The following ALDH3B2 variants were observed in gnomAD, a reference collection of about 807,000 sequenced individuals.
ALDH3B2 encodes aldehyde dehydrogenase family 3 member B2.
A neutral mutation model predicts 36.7 loss-of-function variants in ALDH3B2; 45 were observed. The observed-to-expected ratio is 1.23, with a 90% CI of 0.97 to 1.57. The LOEUF is 1.57. ALDH3B2 is among the 40% of genes most tolerant of loss of function. The probability of loss-of-function intolerance (pLI) is 0.00; values close to 1 mark genes in which losing one functional copy is unlikely to be tolerated. For synonymous variants in ALDH3B2, 217 were observed against 226.5 expected (o/e 0.96, Z 0.38); for missense variants, 464 against 513.3 (o/e 0.90, Z 0.93).
At chr11:67,680,680 G>T (rs1856354090) in intron 1 of ALDH3B2, among the ~76,000 whole-genome samples, 1 of 152,146 alleles carries the variant, frequency 6.6e-6, no homozygotes, top group Admixed American at 6.5e-5. Context: ...GCTTCCCAAA[G>T]TTCTAGGATT....
At chr11:67,680,281 TCCAG>T (rs1415024508) in intron 1 of ALDH3B2, among the ~76,000 whole-genome samples, 2 of 152,198 alleles carry the variant, frequency 1.3e-5, no homozygotes, top group Non-Finnish European at 2.9e-5. Flanking sequence ...ACTACCACAC[TCCAG>T]CCTGGGTGAC....
At chr11:67,664,186 A>T in intron 8 of ALDH3B2, 1 of 729,626 alleles carries the variant, frequency 1.4e-6, no homozygotes. Context: ...AGGACAGAGG[A>T]TGGACCCGCT....
chr11:67,663,791 G>C (rs774719083), intron 8 of ALDH3B2, 30 bp from the exon 9 acceptor site: 2 of 1,584,466 alleles, frequency 1.3e-6, no homozygotes, highest in African/African-American at 1.3e-5. Context: ...TGGGTGTTGG[G>C]CTCTAGTCAT....
Position 67,666,707 on chromosome 11 carries a change from G to A in ALDH3B2, c.31-13C>T, listed in dbSNP as rs916978196. The A allele has an allele frequency of 1.2e-6, 2 of 1,614,020 alleles. No individual in the cohort carries two copies. Among genetic ancestry groups the A allele is most frequent in the Admixed American group, 1.7e-5 (1 of 60,008 alleles). On this transcript the variant is annotated splice_polypyrimidine_tract_variant and intron_variant, in intron 3 of 9. Transcript: ENST00000349015. ...CCAGCTTCATGAACTGAGGCACAGG[G>A]TAGACAGTGAGGCCCTGCCAAGGGC...
upstream of ALDH3B2, among the ~76,000 whole-genome samples, chr11:67,675,341 G>A (rs1856244227): frequency 6.6e-6 from 1 of 152,210 alleles, no homozygotes; most frequent in Admixed American, 6.5e-5. Context: ...GCAGATCACA[G>A]CTCCTGGCAC....
At chr11:67,667,745 G>C in intron 1 of ALDH3B2, 110 bp from the exon 2 acceptor site, 1 of 222,340 alleles carries the variant, frequency 4.5e-6, no homozygotes, top group East Asian at 9.6e-5. Flanking sequence ...ACCCATGGGG[G>C]CTCACAGACA....
At chr11:67,677,132 C>T (rs1441812696), upstream of ALDH3B2, among the ~76,000 whole-genome samples, 2 of 152,090 alleles carry the variant, frequency 1.3e-5, no homozygotes, top group African/African-American at 2.4e-5. Context: ...ATACCAAAAC[C>T]GGGAAAGGAC....
intron 1 of ALDH3B2, among the ~76,000 whole-genome samples, chr11:67,674,091 T>C (rs1307375763): frequency 6.6e-6 from 1 of 152,196 alleles, no homozygotes; most frequent in Admixed American, 6.5e-5. Context: ...CCAATCCTTG[T>C]CTGTCCACAG....
chr11:67,663,842 G>A (rs1033538605), intron 8 of ALDH3B2, 81 bp from the exon 9 acceptor site: 1 of 1,255,952 alleles, frequency 8.0e-7, no homozygotes, highest in Non-Finnish European at 1.1e-6. Context: ...CAGCGGAGGT[G>A]AGCCTCATCC....
chr11:67,680,058 G>T (rs1250251713), intron 1 of ALDH3B2, among the ~76,000 whole-genome samples: 7 of 152,182 alleles, frequency 4.6e-5, no homozygotes, highest in Admixed American at 4.6e-4. Flanking sequence ...TCTCATGCCT[G>T]TAATCCCAGC....
chr11:67,678,396 C>T (rs1856308809), upstream of ALDH3B2, among the ~76,000 whole-genome samples: 1 of 152,012 alleles, frequency 6.6e-6, no homozygotes, highest in African/African-American at 2.4e-5. Context: ...ACAAATGGTC[C>T]TGGGATAATT....
chr11:67,669,699 T>C (rs796670435), intron 1 of ALDH3B2, among the ~76,000 whole-genome samples: 260 of 147,800 alleles, frequency 1.8e-3, no homozygotes, highest in Admixed American at 2.9e-3. Context: ...TGTCTGTGTG[T>C]GTATGGGTGT....
chr11:67,673,964 T>C lies in ALDH3B2; in HGVS notation c.-245+473A>G, dbSNP rs146727805. Among the ~76,000 whole-genome samples, 1,118 of 152,310 alleles carry C rather than the reference T, an allele frequency of 7.3e-3. 18 individuals carry two copies. Among genetic ancestry groups the C allele is most frequent in the African/African-American group, 0.026 (1,079 of 41,560 alleles). ...TCTAGAACCAGAAACAAGCAATGCA[T>C]GTTGCTTTTAACATCTGAAACCAAA... On this transcript the variant is annotated intron_variant, in intron 1 of 9. Transcript: ENST00000349015.
chr11:67,675,968 G>T (rs764360205), upstream of ALDH3B2, among the ~76,000 whole-genome samples: 1 of 152,168 alleles, frequency 6.6e-6, no homozygotes, highest in Non-Finnish European at 1.5e-5. Flanking sequence ...AAAATAGGTC[G>T]GGTGCGGTGG....
intron 6 of ALDH3B2, among the ~76,000 whole-genome samples, 153 bp from the exon 7 acceptor site, chr11:67,665,824 A>G (rs1462857987): frequency 6.6e-6 from 1 of 152,030 alleles, no homozygotes; most frequent in Admixed American, 6.5e-5. Flanking sequence ...GGCCTTGACC[A>G]CACACTCCAG....
chr11:67,669,459 G>GGTGTGTGT (rs1856019080), intron 1 of ALDH3B2, among the ~76,000 whole-genome samples: 1 of 113,152 alleles, frequency 8.8e-6, no homozygotes, highest in Admixed American at 8.7e-5. Flanking sequence ...TGTGTGTATG[G>GGTGTGTGT]ATGTCTGTGT....
chr11:67,678,670 C>T (rs1047678211), upstream of ALDH3B2, among the ~76,000 whole-genome samples: 1 of 147,074 alleles, frequency 6.8e-6, no homozygotes, highest in Non-Finnish European at 1.5e-5. Flanking sequence ...TATATATATA[C>T]ACACACACTA....
At chr11:67,664,412 A>G (rs775370831) in exon 8 of ALDH3B2, 1 of 1,614,032 alleles carries the variant, frequency 6.2e-7, no homozygotes, top group Non-Finnish European at 8.5e-7. Flanking sequence ...GCTGTTGGAG[A>G]AGGCGTACAG....
intron 1 of ALDH3B2, among the ~76,000 whole-genome samples, chr11:67,668,566 GTGTGTCTGTGTGTTTCTT>G (rs1855985953): frequency 6.6e-6 from 1 of 152,098 alleles, no homozygotes; most frequent in African/African-American, 2.4e-5. Context: ...TTGTGTATCC[GTGTGTCTGTGTGTTTCTT>G]TGTGTCTGTG....
Sources: gnomAD v4.1 joint callset for allele counts (sites outside exome capture counted in the v4.1 genomes callset) on GRCh38, gnomAD v4.1.1 for gene constraint, MANE v1.5 for transcripts, NCBI Gene and HGNC (gene_info 2026-07-23, HGNC 2026-07-21) for gene names.